Variants in RTL9 observed in about 807,000 individuals in gnomAD.
The protein encoded by RTL9 is retrotransposon Gag-like protein 9.
A neutral mutation model predicts 44.7 loss-of-function variants in RTL9; 19 were observed. The observed-to-expected ratio is 0.42, with a 90% CI of 0.30 to 0.62. The LOEUF is 0.62. Among genes scored for constraint, RTL9 ranks in the 20% least tolerant of loss-of-function variants. The probability of loss-of-function intolerance (pLI) is 0.16; values close to 1 mark genes in which losing one functional copy is unlikely to be tolerated. For missense variants in RTL9, 1,105 were observed against 1,080.6 expected (o/e 1.02, Z -0.32); for synonymous variants, 407 against 398.9 (o/e 1.02, Z -0.24).
chrX:110,445,854 G>A (rs758502642), upstream of RTL9, among the ~76,000 whole-genome samples: 28 of 111,533 alleles, frequency 2.5e-4, no homozygotes, highest in African/African-American at 7.8e-4. Flanking sequence ...GATGCTAAGC[G>A]GTAAATTCTG....
At chrX:110,408,450 C>T (rs943844721) in intron 1 of RTL9, among the ~76,000 whole-genome samples, 5 of 112,392 alleles carry the variant, frequency 4.4e-5, no homozygotes, top group African/African-American at 6.5e-5. Flanking sequence ...TCTAGCATCC[C>T]GAATAATTTT....
At chrX:110,406,597 T>G (rs904154202) in intron 1 of RTL9, among the ~76,000 whole-genome samples, 2 of 112,089 alleles carry the variant, frequency 1.8e-5, no homozygotes, top group African/African-American at 6.5e-5. Flanking sequence ...AGCAGCATGA[T>G]TTGTAATCCT....
At chrX:110,402,235 C>G (rs1309061600) in intron 1 of RTL9, among the ~76,000 whole-genome samples, 2 of 113,125 alleles carry the variant, frequency 1.8e-5, no homozygotes, top group Non-Finnish European at 3.7e-5. Flanking sequence ...AGCCCTACAT[C>G]ATAATCTGAT....
At position 110,442,277 on chromosome X, in the gene RTL9, G is replaced by A. The variant is rs187480029; in HGVS notation, c.-167-2876G>A. ...TGTGTGTGTGTGTGTGTGTGTGTGT[G>A]TGTGTGTGTGTTTCAGAAAAGCCAG... On this transcript the variant is annotated intron_variant, in intron 1 of 3. Transcript: ENST00000465301. 8.7e-4 allele frequency among the ~76,000 whole-genome samples: 95 copies of A among 108,881 alleles called. 1 individual carries two copies. The East Asian group carries it at 0.026, about 30-fold the overall frequency. The allele number at this position is 108,881 out of a possible 115,157, so 94.6% of individuals were successfully genotyped here. A position where few individuals can be genotyped will look rare whatever the true frequency, so the allele number is the denominator to read the frequency against.
At chrX:110,366,902 T>A (rs934431481) in intron 1 of RTL9, among the ~76,000 whole-genome samples, 3 of 112,043 alleles carry the variant, frequency 2.7e-5, no homozygotes, top group African/African-American at 6.5e-5. Flanking sequence ...GTGGCTTTTT[T>A]ACATCTTTCC....
At chrX:110,376,835 A>T (rs1400309185) in intron 1 of RTL9, among the ~76,000 whole-genome samples, 1 of 112,271 alleles carries the variant, frequency 8.9e-6, no homozygotes, top group Non-Finnish European at 1.9e-5. Flanking sequence ...TGTATCTGGC[A>T]CTGGGTAAGC....
chrX:110,452,265 T>A, exon 1 of RTL9: 1 of 1,211,888 alleles, frequency 8.3e-7, no homozygotes, highest in Non-Finnish European at 1.1e-6. Flanking sequence ...TGAAGCAATG[T>A]CCATGCCACA....
At chrX:110,454,237 T>C in exon 1 of RTL9, 1 of 1,211,437 alleles carries the variant, frequency 8.3e-7, no homozygotes, top group South Asian at 1.8e-5. Flanking sequence ...CAAATGGAGG[T>C]AGGAGAACCT....
chrX:110,369,400 T>G (rs961981356), intron 1 of RTL9, among the ~76,000 whole-genome samples: 1 of 111,718 alleles, frequency 9.0e-6, no homozygotes, highest in Admixed American at 9.5e-5. Context: ...ATACATAACA[T>G]TTTTTGAATA....
chrX:110,378,952 G>A (rs955765232), intron 1 of RTL9, among the ~76,000 whole-genome samples: 5 of 109,729 alleles, frequency 4.6e-5, no homozygotes, highest in Admixed American at 2.9e-4. Context: ...CCACTGCTGC[G>A]TCTGCCAGTC....
chrX:110,453,318 C>T, exon 1 of RTL9: 1 of 1,211,612 alleles, frequency 8.3e-7, no homozygotes, highest in East Asian at 3.0e-5. Flanking sequence ...GTCCTCACCA[C>T]TAGTAAGAGC....
At chrX:110,385,197 A>G (rs371331850) in intron 1 of RTL9, among the ~76,000 whole-genome samples, 12 of 111,505 alleles carry the variant, frequency 1.1e-4, no homozygotes, top group Middle Eastern at 4.6e-3. Context: ...CCATCTATCA[A>G]ATAGAAACAA....
intron 1 of RTL9, among the ~76,000 whole-genome samples, chrX:110,405,687 T>C (rs1355480089): frequency 8.9e-6 from 1 of 111,826 alleles, no homozygotes; most frequent in Non-Finnish European, 1.9e-5. Context: ...TCTATTAATC[T>C]TCACTATGAT....
intron 1 of RTL9, among the ~76,000 whole-genome samples, chrX:110,366,610 G>T (rs2068298993): frequency 9.0e-6 from 1 of 111,375 alleles, no homozygotes. Flanking sequence ...GATCAGCTTA[G>T]ATTCTATAAC....
exon 1 of RTL9, chrX:110,453,086 G>A (rs2068955868): frequency 1.7e-6 from 2 of 1,211,175 alleles, no homozygotes; most frequent in Middle Eastern, 2.3e-4. Context: ...CTCCACAAAT[G>A]ACAGCCACAG....
upstream of RTL9, among the ~76,000 whole-genome samples, chrX:110,416,215 C>A (rs970764218): frequency 9.0e-6 from 1 of 111,665 alleles, no homozygotes; most frequent in African/African-American, 3.3e-5. Context: ...GCTCTGAAAT[C>A]ATGAGACCAG....
Position 110,440,509 on chromosome X carries a change from C to G in RTL9, c.-167-4644C>G, listed in dbSNP as rs948870150. Among the ~76,000 whole-genome samples, 3 of 111,763 alleles carry G rather than the reference C, an allele frequency of 2.7e-5. No individual in the cohort carries two copies. In the South Asian group the frequency reaches 1.1e-3, roughly 43 times the overall value. The stretch of plus-strand genomic sequence containing the variant: ...TGAGGTCACTTGGGTCACGGCCTGC[C>G]TTCTTGTTTCCAACTTGCTGAAGTT... On this transcript the variant is annotated intron_variant, in intron 1 of 3. Coordinates refer to the RTL9 transcript ENST00000465301.
At chrX:110,375,645 T>C (rs1326753505) in intron 1 of RTL9, among the ~76,000 whole-genome samples, 3 of 111,890 alleles carry the variant, frequency 2.7e-5, no homozygotes, top group African/African-American at 9.8e-5. Context: ...GATGGGGAAA[T>C]ATTACATGAA....
intron 1 of RTL9, among the ~76,000 whole-genome samples, chrX:110,360,949 T>C (rs2068259135): frequency 1.8e-5 from 2 of 111,832 alleles, no homozygotes; most frequent in Admixed American, 9.5e-5. Flanking sequence ...TTTATCTTCT[T>C]AGTGATGCTC....
Sources: gnomAD v4.1 joint callset for allele counts (sites outside exome capture counted in the v4.1 genomes callset) on GRCh38, gnomAD v4.1.1 for gene constraint, MANE v1.5 for transcripts, NCBI Gene and HGNC (gene_info 2026-07-23, HGNC 2026-07-21) for gene names.